The following FGF14 variants were observed in gnomAD, a reference collection of about 807,000 sequenced individuals.
FGF14 encodes fibroblast growth factor 14.
Under a neutral mutation model 25.5 loss-of-function variants are expected in FGF14, and 5 were observed. That is an observed-to-expected ratio of 0.20 (90% confidence interval 0.10 to 0.41). The LOEUF (loss-of-function observed/expected upper bound fraction) is 0.41. FGF14 is among the 10% of genes least tolerant of loss of function. The pLI, the probability that FGF14 is intolerant of heterozygous loss-of-function variation, is 1.00. For synonymous variants in FGF14, 138 were observed against 118.3 expected (o/e 1.17, Z -1.08); for missense variants, 222 against 320.1 (o/e 0.69, Z 2.34).
intron 1 of FGF14, among the ~76,000 whole-genome samples, chr13:102,052,419 A>T (rs1021367893): frequency 1.3e-5 from 2 of 152,066 alleles, no homozygotes; most frequent in African/African-American, 4.8e-5. Context: ...AAACAAGACT[A>T]TACCAAGACA....
intron 1 of FGF14, among the ~76,000 whole-genome samples, chr13:102,221,258 T>A (rs2050598715): frequency 1.3e-5 from 2 of 152,024 alleles, no homozygotes; most frequent in South Asian, 4.2e-4. Flanking sequence ...GATTAAGTGA[T>A]TTTTTTTCAG....
intron 3 of FGF14, among the ~76,000 whole-genome samples, chr13:101,764,772 C>T (rs1320614826): frequency 2.6e-5 from 4 of 152,106 alleles, no homozygotes; most frequent in African/African-American, 4.8e-5. Context: ...TTAAGGAAGC[C>T]GGAAAATTTT....
chr13:101,864,133 C>G (rs1045096481), intron 3 of FGF14, among the ~76,000 whole-genome samples: 1 of 152,014 alleles, frequency 6.6e-6, no homozygotes, highest in South Asian at 2.1e-4. Flanking sequence ...TTCATATATA[C>G]ATATTTATCC....
chr13:102,378,589 ATATCTATATCTATCTATC>A (rs1322201802), intron 1 of FGF14, among the ~76,000 whole-genome samples: 1 of 144,096 alleles, frequency 6.9e-6, no homozygotes, highest in African/African-American at 2.6e-5. Context: ...TATGTTATAT[ATATCTATATCTATCTATC>A]TATCTATCTA....
intron 1 of FGF14, among the ~76,000 whole-genome samples, chr13:101,969,335 G>A (rs1210390181): frequency 2.0e-5 from 3 of 152,240 alleles, no homozygotes; most frequent in Middle Eastern, 3.4e-3. Context: ...AGGCCGAGGT[G>A]GGCGGATCAC....
intron 1 of FGF14, among the ~76,000 whole-genome samples, chr13:102,019,181 C>T (rs1021977333): frequency 3.9e-5 from 6 of 152,116 alleles, no homozygotes; most frequent in African/African-American, 1.4e-4. Flanking sequence ...CCTAACCATC[C>T]CAGATCTTCA....
intron 1 of FGF14, among the ~76,000 whole-genome samples, chr13:102,387,662 C>T (rs1450219203): frequency 6.6e-6 from 1 of 151,712 alleles, no homozygotes; most frequent in Non-Finnish European, 1.5e-5. Context: ...GTTTGGTGTA[C>T]AGATTATTTT....
chr13:102,178,435 T>G, intron 1 of FGF14, among the ~76,000 whole-genome samples: 1 of 152,192 alleles, frequency 6.6e-6, no homozygotes, highest in East Asian at 1.9e-4. Context: ...AAAAGTATAG[T>G]TTTATTTCAT....
chr13:102,069,513 G>A (rs145699284), intron 1 of FGF14, among the ~76,000 whole-genome samples: 1 of 152,258 alleles, frequency 6.6e-6, no homozygotes, highest in Non-Finnish European at 1.5e-5. Context: ...TTGGGTCCAC[G>A]CTGCTTTTAT....
chr13:102,401,323 A>G (rs897441908), intron 1 of FGF14: 22 of 746,348 alleles, frequency 2.9e-5, no homozygotes, highest in Non-Finnish European at 5.1e-5. Context: ...TTACTTGTTT[A>G]TTCATGCAAC....
At chr13:101,887,343 T>TAC (rs1481774088) in intron 1 of FGF14, among the ~76,000 whole-genome samples, 2 of 151,070 alleles carry the variant, frequency 1.3e-5, no homozygotes, top group African/African-American at 2.4e-5. Flanking sequence ...TATATATATA[T>TAC]ATACACACAC....
chr13:101,803,443 TAAAC>T (rs1162176588), intron 3 of FGF14, among the ~76,000 whole-genome samples: 2 of 152,176 alleles, frequency 1.3e-5, no homozygotes, highest in African/African-American at 4.8e-5. Flanking sequence ...ACTTTGGTCT[TAAAC>T]AAACTGCAGA....
At chr13:101,755,839 G>C (rs2037611754) in intron 3 of FGF14, among the ~76,000 whole-genome samples, 1 of 152,170 alleles carries the variant, frequency 6.6e-6, no homozygotes, top group African/African-American at 2.4e-5. Flanking sequence ...TTAGTGATAA[G>C]AGTATATGCT....
chr13:102,161,705 A>C (rs1426571205), intron 1 of FGF14, among the ~76,000 whole-genome samples: 1 of 149,840 alleles, frequency 6.7e-6, no homozygotes, highest in Middle Eastern at 3.5e-3. Flanking sequence ...AAGAAGAAGA[A>C]GAAGAAGAAG....
chr13:102,306,360 G>A (rs1043108848), intron 1 of FGF14, among the ~76,000 whole-genome samples: 1 of 152,158 alleles, frequency 6.6e-6, no homozygotes, highest in African/African-American at 2.4e-5. Flanking sequence ...TCAAGCATAC[G>A]CATAGACATT....
At chr13:101,989,977 T>C (rs2038807020) in intron 1 of FGF14, among the ~76,000 whole-genome samples, 1 of 152,152 alleles carries the variant, frequency 6.6e-6, no homozygotes, top group Non-Finnish European at 1.5e-5. Flanking sequence ...AAATTATCCC[T>C]AAAAGAACTC....
chr13:102,054,549 T>C (rs2042349865), intron 1 of FGF14, among the ~76,000 whole-genome samples: 1 of 152,174 alleles, frequency 6.6e-6, no homozygotes, highest in African/African-American at 2.4e-5. Context: ...TGGTTAGTGT[T>C]AATGTCAATT....
chr13:102,304,655 G>T (rs2055272313), intron 1 of FGF14, among the ~76,000 whole-genome samples: 1 of 152,120 alleles, frequency 6.6e-6, no homozygotes, highest in Non-Finnish European at 1.5e-5. Flanking sequence ...TGGGCTATCT[G>T]CCTTGCACTT....
intron 1 of FGF14, among the ~76,000 whole-genome samples, chr13:101,960,432 C>A (rs1249600025): frequency 6.6e-6 from 1 of 152,182 alleles, no homozygotes; most frequent in Non-Finnish European, 1.5e-5. Context: ...TTGTTCAGCA[C>A]CCACTTATAA....
Sources: gnomAD v4.1 joint callset for allele counts (sites outside exome capture counted in the v4.1 genomes callset) on GRCh38, gnomAD v4.1.1 for gene constraint, MANE v1.5 for transcripts, NCBI Gene and HGNC (gene_info 2026-07-23, HGNC 2026-07-21) for gene names.